Variants in CRHR1 observed in about 807,000 individuals in gnomAD.
CRHR1 encodes corticotropin-releasing hormone receptor 1.
A neutral mutation model predicts 56.0 loss-of-function variants in CRHR1; 28 were observed. The observed-to-expected ratio is 0.50, with a 90% CI of 0.37 to 0.69. CRHR1 has a LOEUF of 0.69. Ranked by LOEUF, CRHR1 falls within the 30% of genes least tolerant of loss-of-function variation. The pLI, the probability that CRHR1 is intolerant of heterozygous loss-of-function variation, is 0.00. For synonymous variants in CRHR1, 195 were observed against 216.5 expected (o/e 0.90, Z 0.87); for missense variants, 376 against 548.0 (o/e 0.69, Z 3.13).
rs935695818 is a variant in CRHR1 at position 45,817,957 on chromosome 17, C to T, written c.241+1375C>T. 3.9e-5 allele frequency among the ~76,000 whole-genome samples: 6 copies of T among 152,156 alleles called. No homozygotes were observed. In the East Asian group the frequency reaches 9.6e-4, roughly 24 times the overall value. The stretch of plus-strand genomic sequence containing the variant: ...AGGCACAGAGAGGCTAATAACCTAT[C>T]GGAGGTCGCAGAGCCTGGAGGCAGG... On this transcript the variant is annotated intron_variant, in intron 3 of 12. Transcript: ENST00000314537.
intron 1 of CRHR1, among the ~76,000 whole-genome samples, chr17:45,786,707 A>G (rs2061343437): frequency 7.1e-6 from 1 of 140,894 alleles, no homozygotes; most frequent in South Asian, 2.2e-4. Flanking sequence ...TGGTGTGATC[A>G]TGGCTCACTG....
At chr17:45,813,418 G>A (rs1342316989) in intron 2 of CRHR1, among the ~76,000 whole-genome samples, 1 of 150,798 alleles carries the variant, frequency 6.6e-6, no homozygotes, top group Non-Finnish European at 1.5e-5. Context: ...CCCCGTTCTT[G>A]CAGCCTCTCT....
chr17:45,829,242 G>A lies in CRHR1; in HGVS notation c.355G>A (p.Ala119Thr), dbSNP rs370853377. ...AAAAAGCAAGGTGCACTACCATGTC[G>A]CAGTCATCATCAACTACCTGGGCCA... is the stretch of plus-strand genomic sequence containing the variant. ...EKKSKVHYHVAVIINYLGHCI... is the reference protein window; with the variant it reads ...EKKSKVHYHVTVIINYLGHCI... The change falls in exon 5 of 13, where the codon GCA (alanine) becomes ACA (threonine). Residue 119 changes from alanine (A) to threonine (T), a missense_variant. Ala to Thr is a moderately conservative substitution (Grantham distance 58). Transcript: ENST00000314537. 15 of 1,613,900 alleles carry A rather than the reference G, an allele frequency of 9.3e-6. No individual in the cohort carries two copies. Among genetic ancestry groups the A allele is most frequent in the East Asian group, 6.7e-5 (3 of 44,882 alleles).
chr17:45,830,374 C>A (rs1406707149), intron 6 of CRHR1, 43 bp from the exon 7 acceptor site: 3 of 1,587,684 alleles, frequency 1.9e-6, no homozygotes, highest in Admixed American at 1.7e-5. Context: ...TTGGTGCCTC[C>A]CCTGCCCCCC....
intron 1 of CRHR1, among the ~76,000 whole-genome samples, chr17:45,803,914 G>A (rs2061674203): frequency 6.6e-6 from 1 of 152,196 alleles, no homozygotes; most frequent in South Asian, 2.1e-4. Flanking sequence ...GCCCCTCTCC[G>A]GGGACAGAGC....
intron 1 of CRHR1, among the ~76,000 whole-genome samples, chr17:45,792,902 C>G (rs1291143328): frequency 1.3e-5 from 2 of 152,180 alleles, no homozygotes; most frequent in Non-Finnish European, 2.9e-5. Context: ...CTGCCTAGAC[C>G]AGAAAGATTC....
intron 3 of CRHR1, among the ~76,000 whole-genome samples, chr17:45,817,741 C>A (rs988760685): frequency 6.6e-6 from 1 of 152,168 alleles, no homozygotes; most frequent in African/African-American, 2.4e-5. Context: ...GATCTAGCAG[C>A]CTCGTGTGTC....
At position 45,815,162 on chromosome 17, in the gene CRHR1, G is replaced by C. The variant is rs573743557; in HGVS notation, c.122-1301G>C. ...GAAGAGGCTGCCCCCACACGCGCTG[G>C]TTCATGGTTCCTGGCCCTCCGTGGC... is the stretch of plus-strand genomic sequence containing the variant. On this transcript the variant is annotated intron_variant, in intron 2 of 12. Transcript: ENST00000314537. 9.6e-4 allele frequency among the ~76,000 whole-genome samples: 147 copies of C among 152,360 alleles called. 1 individual carries two copies. The highest frequency in any genetic ancestry group is 3.4e-3 in the African/African-American group (140 of 41,596).
At chr17:45,827,350 C>T (rs980210551) in intron 4 of CRHR1, among the ~76,000 whole-genome samples, 12 of 152,242 alleles carry the variant, frequency 7.9e-5, no homozygotes, top group Admixed American at 7.8e-4. Flanking sequence ...TGAACAAGGC[C>T]GGGGTGTTGT....
intron 1 of CRHR1, among the ~76,000 whole-genome samples, chr17:45,794,768 C>T (rs1465915656): frequency 6.6e-6 from 1 of 152,222 alleles, no homozygotes; most frequent in Non-Finnish European, 1.5e-5. Flanking sequence ...CCCCAAAGCT[C>T]ACAGGACTTA....
intron 1 of CRHR1, among the ~76,000 whole-genome samples, chr17:45,790,052 G>C (rs766484609): frequency 1.3e-5 from 2 of 152,166 alleles, no homozygotes; most frequent in Non-Finnish European, 2.9e-5. Flanking sequence ...TGAGGGGATG[G>C]GGGTAGAGGA....
chr17:45,832,259 T>A (rs1280858965), intron 8 of CRHR1, among the ~76,000 whole-genome samples: 1 of 151,832 alleles, frequency 6.6e-6, no homozygotes, highest in Non-Finnish European at 1.5e-5. Flanking sequence ...AAACAAAAAC[T>A]GTTTGGGCTA....
intron 1 of CRHR1, among the ~76,000 whole-genome samples, chr17:45,800,125 T>A (rs1406680452): frequency 6.6e-6 from 1 of 152,266 alleles, no homozygotes; most frequent in Non-Finnish European, 1.5e-5. Flanking sequence ...TATGTGTGTG[T>A]CTGTCTGTCC....
At chr17:45,817,230 G>T (rs995606053) in intron 3 of CRHR1, among the ~76,000 whole-genome samples, 2 of 151,102 alleles carry the variant, frequency 1.3e-5, no homozygotes, top group Non-Finnish European at 3.0e-5. Context: ...CTGCTATTCC[G>T]CCTGCCACTC....
intron 1 of CRHR1, among the ~76,000 whole-genome samples, chr17:45,801,177 C>T (rs2061614230): frequency 6.6e-6 from 1 of 152,178 alleles, no homozygotes; most frequent in Admixed American, 6.5e-5. Flanking sequence ...CCTGGCCCTC[C>T]ACCCCCTCCA....
intron 2 of CRHR1, among the ~76,000 whole-genome samples, 175 bp from the exon 3 acceptor site, chr17:45,816,288 T>C (rs2061925099): frequency 6.6e-6 from 1 of 152,200 alleles, no homozygotes; most frequent in Non-Finnish European, 1.5e-5. Context: ...CTTCCCCTTG[T>C]GTCTTCTTTG....
chr17:45,816,476 C>T lies in CRHR1; in HGVS notation c.135C>T (p.Asn45=), dbSNP rs748497078. 47 of 1,613,988 alleles carry T rather than the reference C, an allele frequency of 2.9e-5. No individual in the cohort carries two copies. Among genetic ancestry groups the T allele is most frequent in the Non-Finnish European group, 3.7e-5 (44 of 1,180,020 alleles). The change falls in exon 3 of 13, where the codon AAC becomes AAT. Residue 45 remains asparagine (N), a synonymous_variant. Transcript: ENST00000314537. ...CTCTGCCCCCAGGACTGCAGTGCAA[C>T]GCATCCGTGGACCTCATTGGCACCT... is the stretch of plus-strand genomic sequence containing the variant. ...LASNISGLQC[N]ASVDLIGTCW...
intron 3 of CRHR1, among the ~76,000 whole-genome samples, chr17:45,819,391 G>A (rs2061993494): frequency 6.6e-6 from 1 of 152,120 alleles, no homozygotes; most frequent in African/African-American, 2.4e-5. Flanking sequence ...GGGTCCAGGG[G>A]CCACGCTCTT....
intron 1 of CRHR1, among the ~76,000 whole-genome samples, chr17:45,786,832 G>T (rs1040497366): frequency 6.6e-6 from 1 of 151,792 alleles, no homozygotes; most frequent in African/African-American, 2.4e-5. Flanking sequence ...GTAGAGATGG[G>T]GTTTCCCCAT....
Sources: gnomAD v4.1 joint callset for allele counts (sites outside exome capture counted in the v4.1 genomes callset) on GRCh38, gnomAD v4.1.1 for gene constraint, MANE v1.5 for transcripts, NCBI Gene and HGNC (gene_info 2026-07-23, HGNC 2026-07-21) for gene names.